The following POU6F2 variants were observed in gnomAD, a reference collection of about 807,000 sequenced individuals.
The protein encoded by POU6F2 is POU domain, class 6, transcription factor 2.
In POU6F2, 31 loss-of-function variants were observed where a neutral mutation model predicts 71.3. The observed-to-expected ratio is 0.43, with a 90% CI of 0.33 to 0.59. The LOEUF is 0.59. Among genes scored for constraint, POU6F2 ranks in the 20% least tolerant of loss-of-function variants. The probability of loss-of-function intolerance (pLI) is 0.04; values close to 1 mark genes in which losing one functional copy is unlikely to be tolerated. For missense variants in POU6F2, 783 were observed against 856.8 expected (o/e 0.91, Z 1.07); for synonymous variants, 347 against 355.7 (o/e 0.98, Z 0.27).
chr7:39,153,645 C>A (rs558468966), intron 2 of POU6F2, among the ~76,000 whole-genome samples: 1 of 152,282 alleles, frequency 6.6e-6, no homozygotes, highest in South Asian at 2.1e-4. Flanking sequence ...AACAGATACA[C>A]TGATTAAGCT....
chr7:39,097,185 A>G (rs536811205), intron 2 of POU6F2, among the ~76,000 whole-genome samples: 7 of 152,256 alleles, frequency 4.6e-5, no homozygotes, highest in Non-Finnish European at 8.8e-5. Flanking sequence ...TAAAGAATAA[A>G]TAAAAGGGTT....
At chr7:39,376,806 A>G (rs1786719368) in intron 5 of POU6F2, among the ~76,000 whole-genome samples, 1 of 151,910 alleles carries the variant, frequency 6.6e-6, no homozygotes, top group South Asian at 2.1e-4. Context: ...TGTGATGGAC[A>G]TAGCTTTGTT....
chr7:39,023,639 A>G (rs1376392231), intron 1 of POU6F2, among the ~76,000 whole-genome samples: 1 of 151,924 alleles, frequency 6.6e-6, no homozygotes, highest in East Asian at 1.9e-4. Context: ...TACATTTTCC[A>G]TTTTTCTTGT....
intron 6 of POU6F2, among the ~76,000 whole-genome samples, chr7:39,414,177 C>G (rs911480023): frequency 1.3e-5 from 2 of 152,234 alleles, no homozygotes; most frequent in African/African-American, 4.8e-5. Context: ...CACACTCATT[C>G]CTATCCACGT....
At chr7:39,035,471 C>G (rs935933303) in intron 1 of POU6F2, among the ~76,000 whole-genome samples, 6 of 152,112 alleles carry the variant, frequency 3.9e-5, no homozygotes, top group African/African-American at 1.4e-4. Flanking sequence ...CTGGGGAAGT[C>G]TATGAAGGAC....
intron 5 of POU6F2, chr7:39,404,658 A>G (rs147727338): frequency 7.9e-5 from 12 of 152,318 alleles, no homozygotes; most frequent in African/African-American, 2.6e-4. Context: ...ATTCATTATG[A>G]TTTCAACTTG....
At chr7:39,229,298 A>G (rs983814687) in intron 4 of POU6F2, among the ~76,000 whole-genome samples, 68 of 152,334 alleles carry the variant, frequency 4.5e-4, no homozygotes, top group African/African-American at 1.6e-3. Flanking sequence ...TGTCTGAAGG[A>G]TCAGCCACAG....
At chr7:39,323,942 T>TACTAAAAATACAAAAATTAGCCAGGC (rs1342054630) in intron 4 of POU6F2, among the ~76,000 whole-genome samples, 1 of 151,632 alleles carries the variant, frequency 6.6e-6, no homozygotes, top group African/African-American at 2.4e-5. Flanking sequence ...ACCTCATCTC[T>TACTAAAAATACAAAAATTAGCCAGGC]ACTAAAAATA....
At chr7:39,168,130 ATTTT>A (rs971202556) in intron 2 of POU6F2, among the ~76,000 whole-genome samples, 1 of 152,080 alleles carries the variant, frequency 6.6e-6, no homozygotes, top group Non-Finnish European at 1.5e-5. Context: ...CTTATAAGAG[ATTTT>A]TTTTGTCTTG....
At chr7:39,175,155 C>G (rs1793303438) in intron 2 of POU6F2, among the ~76,000 whole-genome samples, 1 of 152,042 alleles carries the variant, frequency 6.6e-6, no homozygotes, top group Non-Finnish European at 1.5e-5. Flanking sequence ...CCTTTTCTGT[C>G]CTCTATTTTT....
chr7:39,142,020 G>A (rs974494469), intron 2 of POU6F2, among the ~76,000 whole-genome samples: 2 of 152,238 alleles, frequency 1.3e-5, no homozygotes, highest in South Asian at 2.1e-4. Flanking sequence ...TCAGGAGATG[G>A]AGGTTGCAGT....
At position 39,328,214 on chromosome 7, in the gene POU6F2, C is replaced by T. The variant is rs772576265; in HGVS notation, c.599-11428C>T. ...GATTACAGGCGTGAGCCACCGCACC[C>T]GACCGAATCGGGTTTCTTTAATGCT... is the stretch of plus-strand genomic sequence containing the variant. On this transcript the variant is annotated intron_variant, in intron 4 of 9. Transcript: ENST00000518318. Among the ~76,000 whole-genome samples, 5 of 152,184 alleles carry T rather than the reference C, an allele frequency of 3.3e-5. No individual in the cohort carries two copies. The East Asian group carries it at 9.6e-4, about 29-fold the overall frequency.
chr7:39,057,142 C>T (rs1342605225), intron 1 of POU6F2, among the ~76,000 whole-genome samples: 1 of 152,092 alleles, frequency 6.6e-6, no homozygotes, highest in East Asian at 1.9e-4. Context: ...ATTAAACTTT[C>T]ATTGCTTTTA....
In POU6F2 at chr7:39,420,377, G is replaced by A. The variant is rs562515363; in HGVS notation, c.1114-12700G>A. Among the ~76,000 whole-genome samples, 31 of 152,292 alleles carry A rather than the reference G, an allele frequency of 2.0e-4. 2 individuals carry two copies. In the South Asian group the frequency reaches 6.2e-3, roughly 31 times the overall value. The stretch of plus-strand genomic sequence containing the variant: ...CATAGTGTGCTACTCCAGACTCTGA[G>A]AATTCATTTTGATTTCTGAGACCAT... On this transcript the variant is annotated intron_variant, in intron 6 of 9. Coordinates refer to ENST00000518318, the MANE Select transcript of POU6F2 (RefSeq NM_001370959.1).
chr7:39,116,380 GTC>G lies in POU6F2; in HGVS notation c.277+30352_277+30353del, dbSNP rs921081455. Among the ~76,000 whole-genome samples the G allele has an allele frequency of 1.1e-4, 17 of 152,010 alleles. 1 individual carries two copies. The highest frequency in any genetic ancestry group is 7.4e-5 in the Non-Finnish European group (5 of 68,010). On this transcript the variant is annotated intron_variant, in intron 2 of 9. Transcript: ENST00000518318. Reference sequence around the variant, plus strand: ...AGCCTGAGTGACAGAGTGAGACTGTGTCTCAAAGAAAAAAAATCATGAAGCAA... The same window carrying G: ...AGCCTGAGTGACAGAGTGAGACTGTGTCAAAGAAAAAAAATCATGAAGCAA...
intron 4 of POU6F2, among the ~76,000 whole-genome samples, chr7:39,283,580 A>T (rs1259307805): frequency 1.3e-5 from 2 of 152,276 alleles, no homozygotes; most frequent in East Asian, 3.9e-4. Context: ...AGTTTCATTC[A>T]TGTTGTAGTA....
intron 4 of POU6F2, among the ~76,000 whole-genome samples, chr7:39,264,992 G>T (rs375042650): frequency 6.6e-6 from 1 of 152,186 alleles, no homozygotes; most frequent in East Asian, 1.9e-4. Flanking sequence ...ATTAAAGGAG[G>T]TTGTTAGGCC....
At chr7:39,037,256 TC>T (rs1327673374) in intron 1 of POU6F2, among the ~76,000 whole-genome samples, 1 of 152,010 alleles carries the variant, frequency 6.6e-6, no homozygotes, top group Non-Finnish European at 1.5e-5. Context: ...ACCTCATTTA[TC>T]CCTTTCCCCA....
chr7:39,332,244 A>G (rs1219321256), intron 4 of POU6F2, among the ~76,000 whole-genome samples: 3 of 151,844 alleles, frequency 2.0e-5, no homozygotes, highest in Non-Finnish European at 4.4e-5. Flanking sequence ...TTACTATGGA[A>G]TCCCCCTTTT....
Sources: allele counts gnomAD v4.1 joint callset (sites outside exome capture counted in the v4.1 genomes callset), GRCh38; gene constraint gnomAD v4.1.1; transcripts MANE v1.5; gene names NCBI Gene and HGNC (gene_info 2026-07-23, HGNC 2026-07-21).